CHLSN: variants seen among roughly 807,000 people sequenced by gnomAD.
The protein encoded by CHLSN is protein cholesin.
the CHLSN span, among the ~76,000 whole-genome samples, chr7:990,245 AGTG>A: frequency 2.9e-4 from 4 of 14,024 alleles, no homozygotes; most frequent in Non-Finnish European, 2.5e-4. Context: ...GCAGTGTGAC[AGTG>A]GCGCGTGTGC....
At chr7:1,115,424 C>T in the CHLSN span, among the ~76,000 whole-genome samples, 1 of 152,232 alleles carries the variant, frequency 6.6e-6, no homozygotes, top group Non-Finnish European at 1.5e-5. Flanking sequence ...AGGAGGCGCT[C>T]CCCATCACCT....
At chr7:1,006,601 C>T in the CHLSN span, among the ~76,000 whole-genome samples, 3 of 125,024 alleles carry the variant, frequency 2.4e-5, no homozygotes, top group Non-Finnish European at 5.2e-5. Context: ...GAGCGCACGA[C>T]GGCCACAGCG....
At chr7:996,167 G>C in the CHLSN span, among the ~76,000 whole-genome samples, 3 of 152,252 alleles carry the variant, frequency 2.0e-5, no homozygotes, top group Non-Finnish European at 2.9e-5. Context: ...CGGCTGAGGA[G>C]GCCCAGCCAG....
At chr7:1,047,534 G>C in the CHLSN span, among the ~76,000 whole-genome samples, 2 of 152,262 alleles carry the variant, frequency 1.3e-5, no homozygotes, top group African/African-American at 4.8e-5. Flanking sequence ...GCTCCTAGGA[G>C]CTGGATGTTA....
the CHLSN span, among the ~76,000 whole-genome samples, chr7:1,103,499 C>T: frequency 1.3e-5 from 2 of 152,186 alleles, no homozygotes; most frequent in African/African-American, 4.8e-5. Context: ...CACGAATTAG[C>T]CCTTATTTGT....
chr7:1,133,977 G>A, the CHLSN span, among the ~76,000 whole-genome samples: 1 of 152,024 alleles, frequency 6.6e-6, no homozygotes, highest in Non-Finnish European at 1.5e-5. Flanking sequence ...GCTAACTCTT[G>A]TATTTTTTGT....
chr7:1,072,828 C>A, the CHLSN span, among the ~76,000 whole-genome samples: 1 of 152,024 alleles, frequency 6.6e-6, no homozygotes, highest in Admixed American at 6.5e-5. Context: ...GGATTACAGG[C>A]GTGCGCCACC....
chr7:1,136,661 G>C, the CHLSN span, among the ~76,000 whole-genome samples: 1 of 145,930 alleles, frequency 6.9e-6, no homozygotes, highest in Admixed American at 7.0e-5. Context: ...TATAAACTGT[G>C]TATATATATA....
At chr7:1,079,294 A>T in the CHLSN span, among the ~76,000 whole-genome samples, 1 of 152,224 alleles carries the variant, frequency 6.6e-6, no homozygotes, top group African/African-American at 2.4e-5. Context: ...CAGGCAGGCA[A>T]CGCCCGGCTG....
chr7:1,098,941 C>T, the CHLSN span, among the ~76,000 whole-genome samples: 1 of 152,236 alleles, frequency 6.6e-6, no homozygotes, highest in Non-Finnish European at 1.5e-5. Flanking sequence ...CTAAAAATCA[C>T]CGAGGTACAC....
chr7:1,048,345 A>G, the CHLSN span, among the ~76,000 whole-genome samples: 1 of 152,108 alleles, frequency 6.6e-6, no homozygotes, highest in Non-Finnish European at 1.5e-5. Flanking sequence ...CTTTTGTGAA[A>G]CTAATTCAGC....
At chr7:1,070,241 C>A in the CHLSN span, among the ~76,000 whole-genome samples, 1 of 143,046 alleles carries the variant, frequency 7.0e-6, no homozygotes, top group Non-Finnish European at 1.6e-5. Context: ...GCAGCCACCC[C>A]GTCCGGGAGG....
chr7:1,058,098 G>A, the CHLSN span: 11 of 764,648 alleles, frequency 1.4e-5, no homozygotes, highest in East Asian at 7.3e-5. Flanking sequence ...GGTGTTCATC[G>A]GCTACGTGGT....
chr7:1,137,246 G>A, the CHLSN span: 1 of 152,898 alleles, frequency 6.5e-6, no homozygotes, highest in Non-Finnish European at 1.5e-5. Context: ...ATGTTCTGGT[G>A]CCTCACTCCT....
chr7:1,092,858 C>G, the CHLSN span: 1 of 1,610,608 alleles, frequency 6.2e-7, no homozygotes, highest in Non-Finnish European at 8.5e-7. Context: ...GCCGTGTAGA[C>G]AGCCTTGGCC....
chr7:1,098,160 G>C, the CHLSN span, among the ~76,000 whole-genome samples: 1 of 152,216 alleles, frequency 6.6e-6, no homozygotes, highest in African/African-American at 2.4e-5. Context: ...AGAGGGAAAA[G>C]ACGGGACTGT....
chr7:1,127,750 C>A, the CHLSN span, among the ~76,000 whole-genome samples: 7 of 65,940 alleles, frequency 1.1e-4, 1 homozygote, highest in African/African-American at 9.4e-4. Context: ...GTGGCGCGAT[C>A]TCAGCTCATC....
chr7:1,111,903 G>A, the CHLSN span, among the ~76,000 whole-genome samples: 1 of 152,212 alleles, frequency 6.6e-6, no homozygotes, highest in South Asian at 2.1e-4. Flanking sequence ...GAAATCCTCA[G>A]CACACGCGGC....
chr7:985,054 C>T, the CHLSN span: 6 of 1,612,556 alleles, frequency 3.7e-6, no homozygotes, highest in Non-Finnish European at 5.1e-6. Flanking sequence ...TGACAAGATT[C>T]TGCAGGAGCT....
Sources: allele counts gnomAD v4.1 joint callset (sites outside exome capture counted in the v4.1 genomes callset), GRCh38; gene constraint gnomAD v4.1.1; transcripts MANE v1.5; gene names NCBI Gene and HGNC (gene_info 2026-07-23, HGNC 2026-07-21).